ITPR1: variants seen among roughly 807,000 people sequenced by gnomAD.
ITPR1 encodes inositol 1,4,5-trisphosphate-gated calcium channel ITPR1.
Under a neutral mutation model 318.4 loss-of-function variants are expected in ITPR1, and 96 were observed. The ratio of observed to expected loss-of-function variants is 0.30; its 90% CI spans 0.26 to 0.36. The LOEUF (loss-of-function observed/expected upper bound fraction) is 0.36, where lower values mean the gene tolerates loss of function less well. Ranked by LOEUF, ITPR1 falls within the 10% of genes least tolerant of loss-of-function variation. The pLI is 1.00. For synonymous variants in ITPR1, 1,312 were observed against 1,289.9 expected, an observed-to-expected ratio of 1.02 and a Z score of -0.37; for missense variants, 2,440 against 3,460.2, an observed-to-expected ratio of 0.71 and a Z score of 7.40.
chr3:4,591,414 G>A (rs1257502382), intron 4 of ITPR1, among the ~76,000 whole-genome samples: 2 of 152,248 alleles, frequency 1.3e-5, no homozygotes, highest in African/African-American at 4.8e-5. Flanking sequence ...TTTAATAATA[G>A]CTGTTCTGAC....
rs187480878 is a variant in ITPR1, at chr3:4,580,102, C to T, written c.164-47661C>T. On this transcript the variant is annotated intron_variant, in intron 4 of 61. Transcript: ENST00000649015. ...GCAGGAGCCTGTAGTCCCAGCTACCCGGGAGGCTGAGGCAGGAGAATGGCG... is the reference window on the plus strand; with the variant it reads ...GCAGGAGCCTGTAGTCCCAGCTACCTGGGAGGCTGAGGCAGGAGAATGGCG... Among the ~76,000 whole-genome samples the T allele has an allele frequency of 2.6e-4, 40 of 151,962 alleles. No homozygotes were observed. In the East Asian group the frequency reaches 6.2e-3, roughly 24 times the overall value.
At chr3:4,682,063 A>G (rs948358555) in intron 26 of ITPR1, among the ~76,000 whole-genome samples, 5 of 152,230 alleles carry the variant, frequency 3.3e-5, no homozygotes, top group African/African-American at 1.2e-4. Flanking sequence ...TTTATAACAT[A>G]TTACTCCAAA....
rs149303434 is a variant in ITPR1, at chr3:4,719,461, A to G, written c.5136+2062A>G. ...CCGGTGTGTACTCCTGGAAACCTGCAGCCCACAGCTGGAGTTCTGCAGAAG... is the reference window on the plus strand; with the variant it reads ...CCGGTGTGTACTCCTGGAAACCTGCGGCCCACAGCTGGAGTTCTGCAGAAG... On this transcript the variant is annotated intron_variant, in intron 40 of 61. Transcript: ENST00000649015. 2.2e-3 allele frequency among the ~76,000 whole-genome samples: 337 copies of G among 152,332 alleles called. No homozygotes were observed. The Middle Eastern group carries it at 0.024, about 11-fold the overall frequency.
At chr3:4,624,472 C>T (rs2125123078) in intron 4 of ITPR1, among the ~76,000 whole-genome samples, 1 of 152,068 alleles carries the variant, frequency 6.6e-6, no homozygotes, top group Middle Eastern at 3.4e-3. Flanking sequence ...AGTTCGAGAC[C>T]AGCCTGGCCA....
intron 42 of ITPR1, among the ~76,000 whole-genome samples, chr3:4,730,689 G>C (rs535627739): frequency 6.6e-6 from 1 of 151,956 alleles, no homozygotes; most frequent in Admixed American, 6.6e-5. Flanking sequence ...AAAACACGAA[G>C]GGGGGAAGAA....
At chr3:4,536,052 G>A (rs1196497667) in intron 4 of ITPR1, among the ~76,000 whole-genome samples, 2 of 152,184 alleles carry the variant, frequency 1.3e-5, no homozygotes, top group Non-Finnish European at 2.9e-5. Flanking sequence ...CTGGAATGAA[G>A]TGGCTTCCAG....
At chr3:4,657,559 C>T (rs1226402683) in intron 12 of ITPR1, among the ~76,000 whole-genome samples, 1 of 151,886 alleles carries the variant, frequency 6.6e-6, no homozygotes, top group East Asian at 1.9e-4. Context: ...CTTCTGCCGC[C>T]CAGGTTCAAG....
At position 4,776,609 on chromosome 3, in the gene ITPR1, G is replaced by A. The variant is rs897824963; in HGVS notation, c.6181-655G>A. Among the ~76,000 whole-genome samples the A allele has an allele frequency of 4.6e-5, 7 of 152,146 alleles. No individual in the cohort carries two copies. In the East Asian group the frequency reaches 5.8e-4, roughly 13 times the overall value. ...TTTGTGAGATGCACTTTCTTCTCCC[G>A]GTTCCCTCATGAAGCAGATGGTGTA... On this transcript the variant is annotated intron_variant, in intron 47 of 61. Transcript: ENST00000649015.
rs10607666 is a variant in ITPR1, at chr3:4,815,985, T to TACAC, written c.7867+795_7867+798dup. Among the ~76,000 whole-genome samples, 646 of 149,686 alleles carry TACAC rather than the reference T, an allele frequency of 4.3e-3. 4 individuals carry two copies. Among genetic ancestry groups the TACAC allele is most frequent in the African/African-American group, 0.014 (575 of 40,610 alleles). ...TTAATATTTTATCTCATTTGCTTTATACACACACACACACACACACACACA... is the reference window on the plus strand; with the variant it reads ...TTAATATTTTATCTCATTTGCTTTATACACACACACACACACACACACACACACA... On this transcript the variant is annotated intron_variant, in intron 59 of 61. Coordinates refer to ENST00000649015, the MANE Select transcript of ITPR1 (RefSeq NM_001378452.1).
chr3:4,671,211 AG>A (rs1174388142), intron 20 of ITPR1, among the ~76,000 whole-genome samples: 1 of 152,178 alleles, frequency 6.6e-6, no homozygotes, highest in Non-Finnish European at 1.5e-5. Flanking sequence ...GGTACGTAAG[AG>A]GCAGGCTGTG....
At chr3:4,593,302 A>C (rs1428784139) in intron 4 of ITPR1, among the ~76,000 whole-genome samples, 1 of 152,170 alleles carries the variant, frequency 6.6e-6, no homozygotes. Flanking sequence ...CCCTTTGCTT[A>C]GTAACTGTTG....
chr3:4,627,797 C>T lies in ITPR1; in HGVS notation c.198C>T (p.Tyr66=). ...CLFKLCPMNR[Y]SAQKQFWKAA... is the part of the protein sequence containing the mutation. ...TTAAGCTATGTCCCATGAACCGCTA[C>T]TCTGCCCAAAAGCAGTTCTGGAAAG... Residue 66 remains tyrosine, a synonymous_variant, in exon 5 of 62, where the codon TAC becomes TAT. Coordinates refer to ENST00000649015, the MANE Select transcript of ITPR1 (RefSeq NM_001378452.1). 3 of 1,613,698 alleles carry T rather than the reference C, an allele frequency of 1.9e-6. No individual in the cohort carries two copies. Among genetic ancestry groups the T allele is most frequent in the Non-Finnish European group, 1.7e-6 (2 of 1,179,708 alleles).
chr3:4,632,512 G>T (rs1465185582), intron 5 of ITPR1, among the ~76,000 whole-genome samples: 3 of 152,158 alleles, frequency 2.0e-5, no homozygotes, highest in African/African-American at 7.2e-5. Context: ...TGTGGGCTGA[G>T]AGCTGCTGCC....
At chr3:4,765,599 A>C (rs2045766433) in intron 44 of ITPR1, among the ~76,000 whole-genome samples, 1 of 152,132 alleles carries the variant, frequency 6.6e-6, no homozygotes, top group Non-Finnish European at 1.5e-5. Context: ...CATCTTTCCA[A>C]ATGGAAAGAT....
chr3:4,568,951 G>A (rs531439466), intron 4 of ITPR1, among the ~76,000 whole-genome samples: 2 of 152,104 alleles, frequency 1.3e-5, no homozygotes, highest in African/African-American at 4.8e-5. Flanking sequence ...CATGGTGGAA[G>A]GTATGTCACA....
At chr3:4,532,947 G>A (rs6766061) in intron 4 of ITPR1, among the ~76,000 whole-genome samples, 8 of 152,202 alleles carry the variant, frequency 5.3e-5, no homozygotes, top group South Asian at 2.1e-4. Context: ...ACCATCTGTC[G>A]GGGATTTTGC....
rs564729233 is a variant in ITPR1, at chr3:4,832,389, G to A, written c.8029-4385G>A. 1.9e-3 allele frequency among the ~76,000 whole-genome samples: 296 copies of A among 152,302 alleles called. 1 individual carries two copies. Among genetic ancestry groups the A allele is most frequent in the African/African-American group, 5.8e-3 (241 of 41,568 alleles). On this transcript the variant is annotated intron_variant, in intron 60 of 61. Coordinates refer to ENST00000649015, the MANE Select transcript of ITPR1 (RefSeq NM_001378452.1). ...AAAGTATGACCTTCTTTGAAACGCC[G>A]TGTTTTAACATTTGATTGAGCACTT...
At chr3:4,624,670 C>CAAAAAAA (rs1161664837) in intron 4 of ITPR1, among the ~76,000 whole-genome samples, 1 of 72,506 alleles carries the variant, frequency 1.4e-5, no homozygotes, top group Non-Finnish European at 3.0e-5. Flanking sequence ...GCTCTGTCTC[C>CAAAAAAA]AAAAAAAAAA....
intron 40 of ITPR1, among the ~76,000 whole-genome samples, chr3:4,723,688 T>C (rs1442092325): frequency 6.6e-6 from 1 of 151,784 alleles, no homozygotes; most frequent in Non-Finnish European, 1.5e-5. Flanking sequence ...CTTTATTTTC[T>C]TTTGCTTTTG....
Sources: allele counts gnomAD v4.1 joint callset (sites outside exome capture counted in the v4.1 genomes callset), GRCh38; gene constraint gnomAD v4.1.1; transcripts MANE v1.5; gene names NCBI Gene and HGNC (gene_info 2026-07-23, HGNC 2026-07-21).